MORC3: variants seen among roughly 807,000 people sequenced by gnomAD.
MORC3 encodes MORC family CW-type zinc finger 3.
Under a neutral mutation model 109.1 loss-of-function variants are expected in MORC3, and 31 were observed. The ratio of observed to expected loss-of-function variants is 0.28; its 90% CI spans 0.21 to 0.38. MORC3 has a LOEUF of 0.38. MORC3 is among the 10% of genes least tolerant of loss of function. MORC3 has a pLI of 1.00. For missense variants in MORC3, 867 were observed against 1,135.8 expected (o/e 0.76, Z 3.40); for synonymous variants, 395 against 380.7 (o/e 1.04, Z -0.44).
At chr21:36,323,680 G>T (rs896629435) in intron 1 of MORC3, among the ~76,000 whole-genome samples, 3 of 152,128 alleles carry the variant, frequency 2.0e-5, no homozygotes, top group African/African-American at 7.2e-5. Context: ...TTTTAAAGAC[G>T]TGCTTGATTG....
chr21:36,362,277 T>A (rs1407414403), intron 13 of MORC3, 49 bp downstream of exon 13: 1 of 1,554,218 alleles, frequency 6.4e-7, no homozygotes, highest in Non-Finnish European at 8.7e-7. Context: ...AGATGGGGGC[T>A]GACACCCGTA....
intron 5 of MORC3, 119 bp from the exon 6 acceptor site, chr21:36,341,280 C>A: frequency 1.1e-6 from 1 of 917,330 alleles, no homozygotes; most frequent in East Asian, 2.7e-5. Context: ...CAACCCCCCA[C>A]TGACGTGCAC....
chr21:36,372,854 T>C (rs2085885608), intron 16 of MORC3, among the ~76,000 whole-genome samples: 11 of 152,230 alleles, frequency 7.2e-5, no homozygotes, highest in Admixed American at 7.2e-4. Context: ...AATTTGGCCA[T>C]GAGTAGAAGA....
chr21:36,355,216 T>G (rs1470562295), intron 9 of MORC3, among the ~76,000 whole-genome samples: 1 of 152,168 alleles, frequency 6.6e-6, no homozygotes, highest in East Asian at 1.9e-4. Context: ...AGAGGCTGAA[T>G]TAGAGACATT....
intron 8 of MORC3, 49 bp from the exon 9 acceptor site, chr21:36,349,262 G>A: frequency 8.4e-7 from 1 of 1,190,836 alleles, no homozygotes; most frequent in Non-Finnish European, 1.2e-6. Context: ...TAATTATTTT[G>A]AGCATCATGT....
chr21:36,330,994 GTCT>G (rs2085308590), intron 1 of MORC3, among the ~76,000 whole-genome samples: 1 of 152,200 alleles, frequency 6.6e-6, no homozygotes, highest in Admixed American at 6.5e-5. Flanking sequence ...AGTTTGAACA[GTCT>G]TCTTCAGGAT....
At chr21:36,345,382 C>G (rs144979416) in intron 8 of MORC3, among the ~76,000 whole-genome samples, 4,217 of 152,096 alleles carry the variant, frequency 0.028, 186 homozygotes, top group African/African-American at 0.093. Flanking sequence ...TCCCAAGTAG[C>G]TGGGACTACA....
Position 36,369,278 on chromosome 21 carries a change from C to T in MORC3, c.1910C>T (p.Thr637Ile), listed in dbSNP as rs529199394. Residue 637 changes from threonine to isoleucine, a missense_variant, in exon 15 of 17, where the codon ACT becomes ATT. Thr to Ile is a moderately conservative substitution (Grantham distance 89). Coordinates refer to ENST00000400485, the MANE Select transcript of MORC3 (RefSeq NM_015358.3). ...TSSSRCDQGN[T>I]AATQTEVPSL... ...TCATCCCGATGCGACCAGGGAAATA[C>T]TGCAGCTACCCAGACTGAAGTACCA... The T allele has an allele frequency of 6.2e-7, 1 of 1,614,142 alleles. No homozygotes were observed. The highest frequency in any genetic ancestry group is 2.2e-5 in the East Asian group (1 of 44,890).
intron 1 of MORC3, among the ~76,000 whole-genome samples, chr21:36,322,787 G>A (rs908510269): frequency 3.3e-5 from 5 of 152,120 alleles, no homozygotes; most frequent in Non-Finnish European, 5.9e-5. Context: ...CTAGTGAAAT[G>A]AAATGCATAT....
intron 1 of MORC3, chr21:36,320,598 A>C (rs1282353922): frequency 1.3e-5 from 4 of 303,240 alleles, no homozygotes; most frequent in Admixed American, 1.0e-4. Flanking sequence ...TCCGCGGGCG[A>C]GGCCTCGGCG....
chr21:36,363,586 A>G (rs2085744523), intron 13 of MORC3, among the ~76,000 whole-genome samples: 1 of 152,228 alleles, frequency 6.6e-6, no homozygotes, highest in Admixed American at 6.5e-5. Flanking sequence ...TGAGTATCTC[A>G]TGAACTTTAT....
At chr21:36,356,297 A>T (rs1215259926) in intron 9 of MORC3, among the ~76,000 whole-genome samples, 4 of 152,176 alleles carry the variant, frequency 2.6e-5, no homozygotes, top group African/African-American at 9.7e-5. Flanking sequence ...TATAAAATAG[A>T]CTAGTATTTG....
At chr21:36,340,342 A>G (rs1446684047) in intron 5 of MORC3, among the ~76,000 whole-genome samples, 1 of 151,718 alleles carries the variant, frequency 6.6e-6, no homozygotes, top group African/African-American at 2.4e-5. Context: ...TGATGTTGAT[A>G]CAGTCAAGAT....
intron 2 of MORC3, among the ~76,000 whole-genome samples, chr21:36,334,614 A>C (rs1259580850): frequency 1.3e-5 from 2 of 152,176 alleles, no homozygotes; most frequent in Non-Finnish European, 2.9e-5. Flanking sequence ...TATGTTTATT[A>C]GTAGTACAAA....
At chr21:36,374,185 G>C (rs1298407505) in intron 16 of MORC3, among the ~76,000 whole-genome samples, 1 of 152,024 alleles carries the variant, frequency 6.6e-6, no homozygotes, top group Non-Finnish European at 1.5e-5. Context: ...TGCCTCCCAG[G>C]TTCAAGCAAT....
intron 1 of MORC3, among the ~76,000 whole-genome samples, chr21:36,332,981 G>A (rs1218951460): frequency 6.6e-6 from 1 of 152,012 alleles, no homozygotes; most frequent in Admixed American, 6.6e-5. Flanking sequence ...GTAGAGACGG[G>A]TTTCACCATG....
intron 15 of MORC3, among the ~76,000 whole-genome samples, chr21:36,370,629 ATATATATATATTTTTTTT>A (rs2085846857): frequency 5.7e-5 from 1 of 17,398 alleles, no homozygotes; most frequent in Non-Finnish European, 1.1e-4. Context: ...ATATATATAT[ATATATATATATTTTTTTT>A]TTTTTTTTTT....
At chr21:36,374,749 T>G (rs1172394672) in intron 16 of MORC3, among the ~76,000 whole-genome samples, 1 of 152,190 alleles carries the variant, frequency 6.6e-6, no homozygotes, top group Non-Finnish European at 1.5e-5. Context: ...CGCAGCTCAC[T>G]GCAGCCTTGA....
intron 9 of MORC3, among the ~76,000 whole-genome samples, chr21:36,354,303 TTTTC>T (rs938017297): frequency 1.4e-4 from 21 of 146,086 alleles, no homozygotes; most frequent in African/African-American, 2.3e-4. Flanking sequence ...TCCATTTTTG[TTTTC>T]TTTCTTTCTT....
Sources: gnomAD v4.1 joint callset for allele counts (sites outside exome capture counted in the v4.1 genomes callset) on GRCh38, gnomAD v4.1.1 for gene constraint, MANE v1.5 for transcripts, NCBI Gene and HGNC (gene_info 2026-07-23, HGNC 2026-07-21) for gene names.